The following TMCO6 variants were observed in gnomAD, a reference collection of about 807,000 sequenced individuals.
The protein encoded by TMCO6 is transmembrane and coiled-coil domains 6, also known as transmembrane and coiled-coil domain-containing protein 6.
TMCO6 carries 47 observed loss-of-function variants against 61.8 expected under a neutral mutation model. The ratio of observed to expected loss-of-function variants is 0.76; its 90% confidence interval spans 0.60 to 0.97. TMCO6 has a LOEUF of 0.97. Ranked by LOEUF, TMCO6 falls within the 50% of genes least tolerant of loss-of-function variation. The pLI is 0.00. For missense variants in TMCO6, 557 were observed against 601.6 expected (o/e 0.93, Z 0.78); for synonymous variants, 261 against 254.2 (o/e 1.03, Z -0.25).
rs1163885129 is a variant in TMCO6, at chr5:140,645,112, T to C, written c.*14T>C. On this transcript the variant is annotated 3_prime_UTR_variant, in exon 12 of 12. Transcript: ENST00000394671. ...CTTCAAGGGTGATCTTGTTTCTCAATGTCACTCATTCCCCTCTCTCTTAAC... is the reference window on the plus strand; with the variant it reads ...CTTCAAGGGTGATCTTGTTTCTCAACGTCACTCATTCCCCTCTCTCTTAAC... The C allele has an allele frequency of 1.2e-6, 2 of 1,607,932 alleles. No individual in the cohort carries two copies. The highest frequency in any genetic ancestry group is 1.1e-5 in the South Asian group (1 of 90,974).
rs533918972 is a variant in TMCO6, at chr5:140,644,038, T to C, written c.1106-62T>C. 17 of 1,612,358 alleles carry C rather than the reference T, an allele frequency of 1.1e-5. No individual in the cohort carries two copies. In the African/African-American group the frequency reaches 2.3e-4, roughly 22 times the overall value. On this transcript the variant is annotated intron_variant, in intron 9 of 11. Coordinates refer to ENST00000394671, the MANE Select transcript of TMCO6 (RefSeq NM_018502.5). ...TATTTCCTCATGGCCTAGGCTGAGG[T>C]GGGTAGTATTGACAGGGGTGGTGGG...
chr5:140,602,223 C>G, the TMCO6 span, among the ~76,000 whole-genome samples: 1 of 152,100 alleles, frequency 6.6e-6, no homozygotes, highest in Non-Finnish European at 1.5e-5. Context: ...AAAAAAGAAC[C>G]TCTTTTCTCT....
the TMCO6 span, among the ~76,000 whole-genome samples, chr5:140,606,081 C>T: frequency 6.9e-6 from 1 of 143,894 alleles, no homozygotes; most frequent in South Asian, 2.4e-4. Flanking sequence ...CCCTCCCTCC[C>T]TCCCCCTTCC....
chr5:140,604,594 C>CT, the TMCO6 span, among the ~76,000 whole-genome samples: 2 of 151,540 alleles, frequency 1.3e-5, no homozygotes, highest in East Asian at 3.9e-4. Flanking sequence ...CAATTTATCA[C>CT]TTTTTTTTGT....
the TMCO6 span, among the ~76,000 whole-genome samples, chr5:140,623,430 G>C: frequency 1.3e-5 from 2 of 149,820 alleles, no homozygotes; most frequent in Non-Finnish European, 3.0e-5. Flanking sequence ...ATGCTTAAAA[G>C]GTAACTTAAC....
Position 140,643,846 on chromosome 5 carries a change from G to A in TMCO6, c.985G>A (p.Gly329Arg). 1 of 1,614,216 alleles carries A rather than the reference G, an allele frequency of 6.2e-7. No homozygotes were observed. The highest frequency in any genetic ancestry group is 8.5e-7 in the Non-Finnish European group (1 of 1,180,048). Reference protein sequence around the residue: ...LTEAAVETVGGQMQLRDERVV... With the variant: ...LTEAAVETVGRQMQLRDERVV... ...TGAGGCAGCAGTGGAGACTGTGGGAGGGCAAATGCAGCTCAGAGATGAGCG... is the reference window on the plus strand; with the variant it reads ...TGAGGCAGCAGTGGAGACTGTGGGAAGGCAAATGCAGCTCAGAGATGAGCG... The change falls in exon 9 of 12, where the codon GGG (glycine) becomes AGG (arginine). Residue 329 changes from glycine to arginine, a missense_variant. By Grantham distance (125) the Gly-to-Arg change is moderately radical (BLOSUM62 -2). Transcript: ENST00000394671.
the TMCO6 span, among the ~76,000 whole-genome samples, chr5:140,605,726 CACACACACACACA>C: frequency 0.3 from 40,108 of 135,718 alleles, 5,676 homozygotes; most frequent in African/African-American, 0.35. Context: ...CACACACACA[CACACACACACACA>C]AAGAAAGAAG....
Position 140,639,840 on chromosome 5 carries a change from G to A in TMCO6, c.187G>A (p.Gly63Arg), listed in dbSNP as rs965225089. The A allele has an allele frequency of 2.5e-6, 4 of 1,605,808 alleles. No individual in the cohort carries two copies. Among genetic ancestry groups the A allele is most frequent in the East Asian group, 2.2e-5 (1 of 44,632 alleles). ...AGEGCVAAIL[G>R]ETEVQQFLRQ... ...AGAGGGATGTGTGGCTGCGATCCTC[G>A]GGGAAACCGAGGTGAGGGGGCAAGG... Residue 63 changes from glycine to arginine, a missense_variant, in exon 2 of 12, where the codon GGG (glycine) becomes AGG (arginine). Physicochemically the swap from Gly to Arg is moderately radical, Grantham distance 125. Transcript: ENST00000394671.
At chr5:140,606,154 C>T in the TMCO6 span, among the ~76,000 whole-genome samples, 3 of 117,294 alleles carry the variant, frequency 2.6e-5, no homozygotes, top group African/African-American at 7.4e-5. Context: ...TCCTTCCTCC[C>T]TCTCTCTTTC....
the TMCO6 span, among the ~76,000 whole-genome samples, chr5:140,606,936 C>T: frequency 6.7e-6 from 1 of 150,232 alleles, no homozygotes; most frequent in African/African-American, 2.5e-5. Context: ...TGTGTAGGCC[C>T]GGGCTAATGT....
the TMCO6 span, among the ~76,000 whole-genome samples, chr5:140,628,692 G>A: frequency 8.2e-3 from 1,250 of 152,202 alleles, 12 homozygotes; most frequent in African/African-American, 0.029. Flanking sequence ...CACCCACCTC[G>A]GCCTTCCAAA....
chr5:140,647,108 A>G (rs1757447134), downstream of TMCO6: 1 of 904,150 alleles, frequency 1.1e-6, no homozygotes, highest in South Asian at 1.9e-5. Flanking sequence ...GCGAATATAA[A>G]TTTCTTCATG....
upstream of TMCO6, among the ~76,000 whole-genome samples, chr5:140,637,281 T>C (rs1362315555): frequency 6.6e-6 from 1 of 152,178 alleles, no homozygotes; most frequent in East Asian, 1.9e-4. Context: ...AATTCCAATT[T>C]TGAATGTGAG....
At chr5:140,631,671 G>A in the TMCO6 span, 1 of 572,246 alleles carries the variant, frequency 1.7e-6, no homozygotes, top group Non-Finnish European at 3.1e-6. Context: ...TCCCCATCCA[G>A]CACTGTGCCC....
the TMCO6 span, among the ~76,000 whole-genome samples, chr5:140,600,412 T>A: frequency 6.6e-6 from 1 of 152,126 alleles, no homozygotes; most frequent in Admixed American, 6.5e-5. Flanking sequence ...TGGGCCATCT[T>A]ATTTGTTCCC....
At chr5:140,633,072 G>A in the TMCO6 span, 1 of 1,614,108 alleles carries the variant, frequency 6.2e-7, no homozygotes, top group Admixed American at 1.7e-5. Flanking sequence ...CACTCACCAT[G>A]GTCGATAAGT....
In TMCO6 at chr5:140,644,976, T is replaced by C. The variant is rs762107605; in HGVS notation, c.1369-9T>C. The C allele has an allele frequency of 1.4e-5, 22 of 1,613,844 alleles. No individual in the cohort carries two copies. Among genetic ancestry groups the C allele is most frequent in the Non-Finnish European group, 1.9e-5 (22 of 1,179,786 alleles). Reference sequence around the variant, plus strand: ...ACCAGGTGTGTTGAATTTTCTTCCCTGCCCCTAGGCTGTTCAGGTCTTCCT... The same window carrying C: ...ACCAGGTGTGTTGAATTTTCTTCCCCGCCCCTAGGCTGTTCAGGTCTTCCT... On this transcript the variant is annotated splice_polypyrimidine_tract_variant and intron_variant, in intron 11 of 11. Coordinates refer to ENST00000394671, the MANE Select transcript of TMCO6 (RefSeq NM_018502.5).
At chr5:140,644,484 G>A (rs927637472) in intron 10 of TMCO6, 89 bp from the exon 11 acceptor site, 8 of 1,466,704 alleles carry the variant, frequency 5.5e-6, no homozygotes, top group Admixed American at 1.8e-5. Flanking sequence ...CATGGTGCCT[G>A]GGCATGTGGT....
the TMCO6 span, among the ~76,000 whole-genome samples, chr5:140,615,041 A>G: frequency 6.6e-6 from 1 of 152,240 alleles, no homozygotes; most frequent in Non-Finnish European, 1.5e-5. Flanking sequence ...ATGATCTTAT[A>G]TGTAGAAAAC....
Sources: gnomAD v4.1 joint callset for allele counts (sites outside exome capture counted in the v4.1 genomes callset) on GRCh38, gnomAD v4.1.1 for gene constraint, MANE v1.5 for transcripts, NCBI Gene and HGNC (gene_info 2026-07-23, HGNC 2026-07-21) for gene names.